SEMA3F: variants seen among roughly 807,000 people sequenced by gnomAD.
SEMA3F encodes the protein semaphorin-3F.
Under a neutral mutation model 98.5 loss-of-function variants are expected in SEMA3F, and 30 were observed. The observed-to-expected ratio is 0.30, with a 90% CI of 0.23 to 0.41. The LOEUF is 0.41. SEMA3F is among the 10% of genes least tolerant of loss of function. The pLI, the probability that SEMA3F is intolerant of heterozygous loss-of-function variation, is 1.00. For missense variants in SEMA3F, 866 were observed against 1,119.3 expected (o/e 0.77, Z 3.23); for synonymous variants, 380 against 444.8 (o/e 0.85, Z 1.83).
Position 50,173,964 on chromosome 3 carries a change from G to A in SEMA3F, c.273+11G>A, listed in dbSNP as rs1293220311. The A allele has an allele frequency of 2.5e-5, 41 of 1,613,952 alleles. No homozygotes were observed. The highest frequency in any genetic ancestry group is 3.4e-5 in the Non-Finnish European group (40 of 1,179,998). The stretch of plus-strand genomic sequence containing the variant: ...CGCGAGCCCCTCATTGTAAGGGCTG[G>A]CCCTGATGTGGGACGTGGGGTGGGC... On this transcript the variant is annotated intron_variant, in intron 3 of 18. Coordinates refer to ENST00000002829, the MANE Select transcript of SEMA3F (RefSeq NM_004186.5).
Position 50,182,218 on chromosome 3 carries a change from C to T in SEMA3F, c.644-66C>T. The T allele has an allele frequency of 6.2e-7, 1 of 1,610,224 alleles. No homozygotes were observed. The highest frequency in any genetic ancestry group is 8.5e-7 in the Non-Finnish European group (1 of 1,177,106). On this transcript the variant is annotated intron_variant, in intron 7 of 18. Coordinates refer to ENST00000002829, the MANE Select transcript of SEMA3F (RefSeq NM_004186.5). This position sits in a 1 kb window ranked among gnomAD's most constrained non-coding sequence, Gnocchi z 4.5. ...GGAGATAAGGCCCTGCCCTGGAAGT[C>T]ATCTGAGCTGTGCCCTGGCCCTAGC...
At chr3:50,176,271 C>T (rs1698805050) in intron 6 of SEMA3F, among the ~76,000 whole-genome samples, 1 of 152,192 alleles carries the variant, frequency 6.6e-6, no homozygotes, top group African/African-American at 2.4e-5. Context: ...GATACAGTAA[C>T]CTTAGAGCTC....
intron 2 of SEMA3F, among the ~76,000 whole-genome samples, chr3:50,167,863 C>T (rs1271055637): frequency 6.6e-6 from 1 of 152,238 alleles, no homozygotes; most frequent in South Asian, 2.1e-4. Context: ...TTCGGTTCCT[C>T]TGCTCTGGAG....
At chr3:50,185,095 A>G (rs1407496418) in intron 13 of SEMA3F, among the ~76,000 whole-genome samples, 1 of 152,190 alleles carries the variant, frequency 6.6e-6, no homozygotes, top group Non-Finnish European at 1.5e-5. Context: ...GACAGATGGT[A>G]GGCACCTCCA....
intron 7 of SEMA3F, among the ~76,000 whole-genome samples, chr3:50,179,756 T>C (rs183145558): frequency 6.6e-6 from 1 of 152,396 alleles, no homozygotes; most frequent in East Asian, 1.9e-4. Flanking sequence ...TGCATGTTTA[T>C]GTTTTGGAGA....
In SEMA3F at chr3:50,166,962, C is replaced by T. The variant is rs1698428629; in HGVS notation, c.113-6831C>T. Among the ~76,000 whole-genome samples the T allele has an allele frequency of 6.6e-6, 1 of 152,118 alleles. No individual in the cohort carries two copies. The highest frequency in any genetic ancestry group is 1.5e-5 in the Non-Finnish European group (1 of 68,010). ...GGAGGCACTCACTGAATGGCCTTTT[C>T]ACTCTCCCCACCTGAGAAATGAATC... On this transcript the variant is annotated intron_variant, in intron 2 of 18. Transcript: ENST00000002829. This position sits in a 1 kb window ranked among gnomAD's most constrained non-coding sequence, Gnocchi z 4.7.
At chr3:50,181,886 C>G (rs1292374270) in intron 7 of SEMA3F, among the ~76,000 whole-genome samples, 1 of 152,246 alleles carries the variant, frequency 6.6e-6, no homozygotes, top group Non-Finnish European at 1.5e-5. Context: ...TCCCAAAGTG[C>G]TGGGATTATA....
intron 7 of SEMA3F, among the ~76,000 whole-genome samples, chr3:50,179,114 C>T (rs527882133): frequency 1.3e-5 from 2 of 152,026 alleles, no homozygotes; most frequent in East Asian, 2.0e-4. Context: ...TGAGCCACCA[C>T]GCCCACCCCT....
rs114384205 is a variant in SEMA3F at position 50,183,827 on chromosome 3, T to C, written c.1233+263T>C. On this transcript the variant is annotated intron_variant, in intron 12 of 18. Transcript: ENST00000002829. ...TGTGGGGCTGTTTGGGAGCTGAAGG[T>C]TGGGGGGAAGCGTCTTCCCTGCAGG... Among the ~76,000 whole-genome samples, 1,069 of 152,048 alleles carry C rather than the reference T, an allele frequency of 7.0e-3. 8 individuals are homozygous for C. Among genetic ancestry groups the C allele is most frequent in the African/African-American group, 0.024 (997 of 41,468 alleles).
At position 50,155,845 on chromosome 3, in the gene SEMA3F, T is replaced by G. The variant is rs556090154; in HGVS notation, c.-49+281T>G. On this transcript the variant is annotated intron_variant, in intron 1 of 18. Coordinates refer to ENST00000002829, the MANE Select transcript of SEMA3F (RefSeq NM_004186.5). This position sits in a 1 kb window ranked among gnomAD's most constrained non-coding sequence, Gnocchi z 4.9. ...CAACTTTTTCCTGCAAGGTTCTGGG[T>G]GGGTGCTCTCATACACCCCCACCTT... 2.2e-4 allele frequency: 36 copies of G among 162,098 alleles called. No homozygotes were observed. Among genetic ancestry groups the G allele is most frequent in the Non-Finnish European group, 4.3e-4 (32 of 74,544 alleles). 10.0% of individuals were successfully genotyped at this position (162,098 alleles called of 1,614,324 possible). A position where few individuals can be genotyped will look rare whatever the true frequency, so the allele number is the denominator to read the frequency against.
In SEMA3F at chr3:50,186,265, G is replaced by T. The variant is rs1225471613; in HGVS notation, c.1746-16G>T. On this transcript the variant is annotated splice_polypyrimidine_tract_variant and intron_variant, in intron 16 of 18. Coordinates refer to ENST00000002829, the MANE Select transcript of SEMA3F (RefSeq NM_004186.5). ...AGCTTCCTGGGAGCACTCCTTCAGG[G>T]GCTATCCTCATCCAGGCGGAGCCGC... The T allele has an allele frequency of 2.6e-5, 42 of 1,612,872 alleles. No homozygotes were observed. Among genetic ancestry groups the T allele is most frequent in the Non-Finnish European group, 3.4e-5 (40 of 1,179,712 alleles).
chr3:50,156,886 C>T lies in SEMA3F; in HGVS notation c.-49+1322C>T, dbSNP rs1156959696. ...GCTCAGGTGACCTTGACTGGGAAAC[C>T]CTGGCCACAAAAGGGGGGTTTCAGT... On this transcript the variant is annotated intron_variant, in intron 1 of 18. Coordinates refer to ENST00000002829, the MANE Select transcript of SEMA3F (RefSeq NM_004186.5). The surrounding 1 kb of genome is among the most constrained non-coding windows in gnomAD (Gnocchi z 4.5). Among the ~76,000 whole-genome samples, 1 of 152,076 alleles carries T rather than the reference C, an allele frequency of 6.6e-6. No individual in the cohort carries two copies. The highest frequency in any genetic ancestry group is 2.4e-5 in the African/African-American group (1 of 41,394).
Position 50,188,039 on chromosome 3 carries a change from C to G in SEMA3F, c.2282C>G (p.Pro761Arg). The G allele has an allele frequency of 6.3e-7, 1 of 1,593,996 alleles. No homozygotes were observed. The highest frequency in any genetic ancestry group is 8.5e-7 in the Non-Finnish European group (1 of 1,170,466). Reference protein sequence around the residue: ...RHVPPSPREAPGAPRSPEPQD... With the variant: ...RHVPPSPREARGAPRSPEPQD... ...GTGCCCCCCAGCCCCAGGGAGGCTC[C>G]AGGGGCACCCCGGTCTCCTGAGCCC... Residue 761 changes from proline to arginine, a missense_variant, in exon 19 of 19, where the codon CCA (proline) becomes CGA (arginine). Pro to Arg is a moderately radical substitution (Grantham distance 103, BLOSUM62 -2). This residue lies in a region of SEMA3F where 245 missense variants were observed against 260.5 expected (regional missense o/e 0.94). Coordinates refer to ENST00000002829, the MANE Select transcript of SEMA3F (RefSeq NM_004186.5). This position sits in a 1 kb window ranked among gnomAD's most constrained non-coding sequence, Gnocchi z 4.5.
Position 50,174,100 on chromosome 3 carries a change from G to A in SEMA3F, c.322G>A (p.Gly108Ser), listed in dbSNP as rs1041428936. ...GCGCATCGAGGAATGCGTGCTCTCA[G>A]GCAAGGATGTCAACGTGAGTTTGGT... ...PQRIEECVLS[G>S]KDVNGECGNF... Residue 108 changes from glycine to serine, a missense_variant, in exon 4 of 19, where the codon GGC becomes AGC. Coordinates refer to ENST00000002829, the MANE Select transcript of SEMA3F (RefSeq NM_004186.5). The A allele has an allele frequency of 6.2e-7, 1 of 1,614,030 alleles. No homozygotes were observed. Among genetic ancestry groups the A allele is most frequent in the African/African-American group, 1.3e-5 (1 of 74,946 alleles).
chr3:50,184,263 G>T, intron 12 of SEMA3F: 1 of 382,066 alleles, frequency 2.6e-6, no homozygotes. Context: ...GGAGGGAGAC[G>T]GGTGAGACCC....
intron 6 of SEMA3F, 35 bp downstream of exon 6, chr3:50,175,223 C>T: frequency 7.0e-7 from 1 of 1,435,530 alleles, no homozygotes; most frequent in Non-Finnish European, 9.6e-7. Context: ...TGCCAGGCAG[C>T]ACTGCCTCTG....
rs1384796098 is a variant in SEMA3F at position 50,185,882 on chromosome 3, GC to G, written c.1588-3del. On this transcript the variant is annotated splice_polypyrimidine_tract_variant and splice_region_variant and intron_variant, in intron 15 of 18. Coordinates refer to ENST00000002829, the MANE Select transcript of SEMA3F (RefSeq NM_004186.5). The stretch of plus-strand genomic sequence containing the variant: ...AGGAACTGACAAGGCCCTACCCTTT[GC>G]CCCAGCAACAACTCTACGTGGCGTC... 16 of 1,609,758 alleles carry G rather than the reference GC, an allele frequency of 9.9e-6. No homozygotes were observed. In the South Asian group the frequency reaches 1.6e-4, roughly 17 times the overall value.
intron 15 of SEMA3F, 53 bp downstream of exon 15, chr3:50,185,760 A>G: frequency 1.2e-6 from 2 of 1,609,680 alleles, no homozygotes; most frequent in Admixed American, 3.3e-5. Flanking sequence ...GCATCCCCTC[A>G]GGGTCATGCC....
At chr3:50,181,918 T>C (rs1699031261) in intron 7 of SEMA3F, among the ~76,000 whole-genome samples, 1 of 152,192 alleles carries the variant, frequency 6.6e-6, no homozygotes. Context: ...CTGCAGCTGG[T>C]CTATTAGCTA....
Sources: gnomAD v4.1 joint callset for allele counts (sites outside exome capture counted in the v4.1 genomes callset) on GRCh38, gnomAD v4.1.1 for gene constraint, gnomAD v4.1.1 regional missense constraint, Gnocchi (gnomAD v3.1) non-coding constraint, MANE v1.5 for transcripts, NCBI Gene and HGNC (gene_info 2026-07-23, HGNC 2026-07-21) for gene names.